LPA: variants seen among roughly 807,000 people sequenced by gnomAD.
The protein encoded by LPA is apolipoprotein(a).
Under a neutral mutation model 197.9 loss-of-function variants are expected in LPA, and 199 were observed. The observed-to-expected ratio is 1.01, with a 90% CI of 0.90 to 1.13. The LOEUF is 1.13. LPA is among the 50% of genes most tolerant of loss of function. LPA has a pLI of 0.00. For synonymous variants in LPA, 715 were observed against 639.5 expected, an observed-to-expected ratio of 1.12 and a Z score of -1.78; for missense variants, 1,853 against 1,785.8, an observed-to-expected ratio of 1.04 and a Z score of -0.68.
At chr6:160,599,267 C>T (rs561516351) in intron 20 of LPA, among the ~76,000 whole-genome samples, 4 of 152,182 alleles carry the variant, frequency 2.6e-5, no homozygotes, top group East Asian at 1.9e-4. Context: ...GGTGTGAACC[C>T]GGGAGGCGGA....
In LPA at chr6:160,550,675, CTCAA is replaced by C. The variant is rs374613322; in HGVS notation, c.4974-2020_4974-2017del. Among the ~76,000 whole-genome samples, 654 of 152,318 alleles carry C rather than the reference CTCAA, an allele frequency of 4.3e-3. 3 individuals are homozygous for C. Among genetic ancestry groups the C allele is most frequent in the African/African-American group, 0.015 (609 of 41,576 alleles). ...CCCAGAAAAAAACTTCGTTTTACTG[CTCAA>C]TCAATCTCTGCTACTCTCTTCCCAT... On this transcript the variant is annotated intron_variant, in intron 30 of 38. Coordinates refer to ENST00000316300, the MANE Select transcript of LPA (RefSeq NM_005577.4).
At chr6:160,659,353 A>C (rs1467581967) in intron 1 of LPA, among the ~76,000 whole-genome samples, 1 of 152,168 alleles carries the variant, frequency 6.6e-6, no homozygotes, top group Non-Finnish European at 1.5e-5. Context: ...CAGCAAGGGC[A>C]GTATGACTGC....
rs746155214 is a variant in LPA at position 160,606,563 on chromosome 6, A to G, written c.2699T>C (p.Leu900Pro). 2 of 1,613,886 alleles carry G rather than the reference A, an allele frequency of 1.2e-6. No individual in the cohort carries two copies. Among genetic ancestry groups the G allele is most frequent in the Non-Finnish European group, 8.5e-7 (1 of 1,179,984 alleles). Reference protein sequence around the residue: ...DPSVRWEYCNLTQCSDAEGTA... With the variant: ...DPSVRWEYCNPTQCSDAEGTA... The stretch of plus-strand genomic sequence containing the variant: ...CCCTTCTGCGTCTGAGCATTGTGTC[A>G]GGTTGCAGTACTCCCACCTGACACT... The change falls in exon 17 of 39, where the codon CTG becomes CCG. Residue 900 changes from leucine (L) to proline (P), a missense_variant. Leu to Pro is a moderately conservative substitution (Grantham distance 98, BLOSUM62 -3). Around this residue, in one of 3 missense-constraint regions of LPA, gnomAD observed 1,737 missense variants for 1,504.4 expected, o/e 1.15. Transcript: ENST00000316300.
intron 28 of LPA, among the ~76,000 whole-genome samples, chr6:160,573,705 G>T (rs1013765985): frequency 6.6e-6 from 1 of 152,268 alleles, no homozygotes; most frequent in South Asian, 2.1e-4. Flanking sequence ...TCTGGGTCTT[G>T]CCACCTAGCA....
intron 37 of LPA, among the ~76,000 whole-genome samples, chr6:160,534,339 G>A (rs957017920): frequency 6.6e-6 from 1 of 152,234 alleles, no homozygotes; most frequent in African/African-American, 2.4e-5. Context: ...CCCACCAGGA[G>A]TTGCTGGGAA....
At chr6:160,586,347 C>A in intron 25 of LPA, 102 bp downstream of exon 25, 1 of 1,379,928 alleles carries the variant, frequency 7.2e-7, no homozygotes, top group Non-Finnish European at 1.0e-6. Flanking sequence ...ACTTCACCTT[C>A]GACTTCCTGT....
chr6:160,576,357 T>TGTATATAC (rs1778663512), intron 28 of LPA, among the ~76,000 whole-genome samples: 1 of 51,088 alleles, frequency 2.0e-5, no homozygotes, highest in Non-Finnish European at 3.1e-5. Context: ...TATATATATA[T>TGTATATAC]ATATATATAC....
chr6:160,594,244 G>A, intron 21 of LPA, 127 bp from the exon 22 acceptor site: 1 of 1,123,244 alleles, frequency 8.9e-7, no homozygotes, highest in Non-Finnish European at 1.3e-6. Context: ...TGTACTAGCA[G>A]GCAGATGGAC....
chr6:160,582,227 T>C (rs1316110355), intron 26 of LPA, among the ~76,000 whole-genome samples: 1 of 152,000 alleles, frequency 6.6e-6, no homozygotes, highest in East Asian at 1.9e-4. Context: ...TTTTTCTTCT[T>C]AGCATATTAT....
At chr6:160,575,840 A>T (rs530599541) in intron 28 of LPA, among the ~76,000 whole-genome samples, 43 of 152,244 alleles carry the variant, frequency 2.8e-4, no homozygotes, top group Admixed American at 1.7e-3. Flanking sequence ...GATTTATATT[A>T]CACTGAGGTG....
intron 16 of LPA, among the ~76,000 whole-genome samples, chr6:160,611,193 C>A (rs73596849): frequency 6.6e-6 from 1 of 152,118 alleles, no homozygotes; most frequent in Non-Finnish European, 1.5e-5. Flanking sequence ...AAGGCAAACA[C>A]AATCTTCCCT....
rs753321675 is a variant in LPA at position 160,611,624 on chromosome 6, G to A, written c.2541C>T (p.Cys847=). ...GTGGTGTCATAGATGACCAAGCTTG[G>A]CAGGTTCTTCCAGTGACAGTGGTGG... ...TYSTTVTGRT[C]QAWSSMTPHS... The change falls in exon 16 of 39, where the codon TGC becomes TGT. Residue 847 remains cysteine (C), a synonymous_variant. Coordinates refer to ENST00000316300, the MANE Select transcript of LPA (RefSeq NM_005577.4). 15 of 1,596,574 alleles carry A rather than the reference G, an allele frequency of 9.4e-6. No homozygotes were observed. In the African/African-American group the frequency reaches 1.5e-4, roughly 16 times the overall value.
chr6:160,659,213 G>C (rs1327197266), intron 1 of LPA, among the ~76,000 whole-genome samples: 2 of 152,140 alleles, frequency 1.3e-5, no homozygotes, highest in Non-Finnish European at 2.9e-5. Flanking sequence ...TACAGCTTGG[G>C]GGCAGCAGGG....
At chr6:160,538,594 G>A (rs985325024) in intron 36 of LPA, among the ~76,000 whole-genome samples, 1 of 152,176 alleles carries the variant, frequency 6.6e-6, no homozygotes, top group Non-Finnish European at 1.5e-5. Flanking sequence ...TTTTAGACCT[G>A]ATTCTACTTT....
chr6:160,646,981 G>C (rs1173191331), intron 2 of LPA, among the ~76,000 whole-genome samples: 1 of 152,270 alleles, frequency 6.6e-6, no homozygotes, highest in Non-Finnish European at 1.5e-5. Flanking sequence ...TGTGCAAATA[G>C]TATTACTGTC....
At chr6:160,574,375 A>G (rs1269900731) in intron 28 of LPA, among the ~76,000 whole-genome samples, 1 of 152,144 alleles carries the variant, frequency 6.6e-6, no homozygotes, top group East Asian at 1.9e-4. Context: ...CCACCTGTGA[A>G]GTCTGCAAAC....
At chr6:160,580,413 G>A (rs1368274694) in intron 26 of LPA, among the ~76,000 whole-genome samples, 2 of 152,096 alleles carry the variant, frequency 1.3e-5, no homozygotes, top group Non-Finnish European at 2.9e-5. Flanking sequence ...ATTTTGGGGG[G>A]TAAATATTCA....
At chr6:160,576,690 G>GTGTGTA (rs869225354) in intron 28 of LPA, among the ~76,000 whole-genome samples, 3 of 76,654 alleles carry the variant, frequency 3.9e-5, no homozygotes, top group East Asian at 3.3e-4. Flanking sequence ...GTGTGTGTGT[G>GTGTGTA]TATATATATA....
intron 30 of LPA, among the ~76,000 whole-genome samples, chr6:160,553,919 T>TTC (rs969332451): frequency 0.01 from 1,132 of 111,320 alleles, 8 homozygotes; most frequent in Non-Finnish European, 0.015. Context: ...CTCTCTCTCT[T>TTC]TCTCTCTCTC....
Sources: allele counts gnomAD v4.1 joint callset (sites outside exome capture counted in the v4.1 genomes callset), GRCh38; gene constraint gnomAD v4.1.1; regional missense constraint gnomAD v4.1.1; transcripts MANE v1.5; gene names NCBI Gene and HGNC (gene_info 2026-07-23, HGNC 2026-07-21).